Variants in ANO5 observed in about 807,000 individuals in gnomAD.
ANO5 encodes anoctamin 5, also known as anoctamin-5.
Under a neutral mutation model 121.0 loss-of-function variants are expected in ANO5, and 109 were observed. That is an observed-to-expected ratio of 0.90 (90% CI 0.77 to 1.06). The LOEUF is 1.06. Among genes scored for constraint, ANO5 ranks in the 50% least tolerant of loss-of-function variants. ANO5 has a pLI of 0.00. For missense variants in ANO5, 1,064 were observed against 1,078.5 expected (o/e 0.99, Z 0.19); for synonymous variants, 406 against 359.9 (o/e 1.13, Z -1.45).
chr11:22,282,657 A>C lies in ANO5; in HGVS notation c.*2892A>C, dbSNP rs1855123638. Reference sequence around the variant, plus strand: ...GTATATCTCTTAAAAAAGACACCTAATGAAAGTGAGAGAAAAGCTAAAGAA... The same window carrying C: ...GTATATCTCTTAAAAAAGACACCTACTGAAAGTGAGAGAAAAGCTAAAGAA... On this transcript the variant is annotated 3_prime_UTR_variant, in exon 22 of 22. Coordinates refer to ENST00000324559, the MANE Select transcript of ANO5 (RefSeq NM_213599.3). 6.6e-6 allele frequency: 1 copy of C among 152,282 alleles called. No individual in the cohort carries two copies. Among genetic ancestry groups the C allele is most frequent in the South Asian group, 2.1e-4 (1 of 4,828 alleles). 9.4% of individuals were successfully genotyped at this position (152,282 alleles called of 1,614,324 possible).
intron 5 of ANO5, among the ~76,000 whole-genome samples, chr11:22,224,568 G>A (rs1219017565): frequency 6.6e-6 from 1 of 152,012 alleles, no homozygotes; most frequent in Non-Finnish European, 1.5e-5. Context: ...CCATACAAAA[G>A]ATCAAATCAA....
At position 22,280,039 on chromosome 11, in the gene ANO5, A is replaced by C; in HGVS notation, c.*274A>C. ...TTGAAAGTGCAGGTAGAATCAGAAT[A>C]CTGGGAAATTATGGAGTCTTGCAGT... On this transcript the variant is annotated 3_prime_UTR_variant, in exon 22 of 22. Coordinates refer to ENST00000324559, the MANE Select transcript of ANO5 (RefSeq NM_213599.3). 1 of 414,316 alleles carries C rather than the reference A, an allele frequency of 2.4e-6. No individual in the cohort carries two copies. The highest frequency in any genetic ancestry group is 4.3e-6 in the Non-Finnish European group (1 of 230,162). 25.7% of individuals were successfully genotyped at this position (414,316 alleles called of 1,614,324 possible).
intron 2 of ANO5, among the ~76,000 whole-genome samples, chr11:22,205,785 T>C (rs1418832555): frequency 1.3e-5 from 2 of 152,024 alleles, no homozygotes; most frequent in South Asian, 2.1e-4. Flanking sequence ...GCAGGACATA[T>C]CAATATGGAA....
intron 5 of ANO5, among the ~76,000 whole-genome samples, chr11:22,222,749 C>T (rs1203503666): frequency 2.6e-5 from 4 of 152,026 alleles, no homozygotes; most frequent in Admixed American, 2.6e-4. Context: ...TGCCAGCACA[C>T]ATGCAGAAAG....
intron 1 of ANO5, among the ~76,000 whole-genome samples, chr11:22,200,118 A>T (rs1851921683): frequency 6.6e-6 from 1 of 152,150 alleles, no homozygotes; most frequent in South Asian, 2.1e-4. Flanking sequence ...TAATGCTAAC[A>T]TCATCACTGA....
At chr11:22,228,405 G>A (rs12287796) in intron 7 of ANO5, among the ~76,000 whole-genome samples, 1 of 151,960 alleles carries the variant, frequency 6.6e-6, no homozygotes, top group Non-Finnish European at 1.5e-5. Context: ...GTGATAAAAT[G>A]TGATGTTTCA....
At position 22,274,642 on chromosome 11, in the gene ANO5, C is replaced by T. The variant is rs199932439; in HGVS notation, c.2309C>T (p.Thr770Ile). The T allele has an allele frequency of 2.5e-6, 4 of 1,613,418 alleles. No individual in the cohort carries two copies. The highest frequency in any genetic ancestry group is 3.4e-6 in the Non-Finnish European group (4 of 1,179,616). Residue 770 changes from threonine to isoleucine, a missense_variant, in exon 20 of 22, where the codon ACA (threonine) becomes ATA (isoleucine). Coordinates refer to ENST00000324559, the MANE Select transcript of ANO5 (RefSeq NM_213599.3). ...TACTATGCTTACTCAACAAATGCCACACAGCCTATGACAGGATATGTGAAT... is the reference window on the plus strand; with the variant it reads ...TACTATGCTTACTCAACAAATGCCATACAGCCTATGACAGGATATGTGAAT... ...VYYYAYSTNA[T>I]QPMTGYVNNS...
chr11:22,225,621 A>G (rs183693688), intron 5 of ANO5, among the ~76,000 whole-genome samples: 103 of 152,304 alleles, frequency 6.8e-4, no homozygotes, highest in Non-Finnish European at 8.7e-4. Flanking sequence ...CATTAAATGT[A>G]TAGTTTATTT....
intron 1 of ANO5, among the ~76,000 whole-genome samples, chr11:22,202,500 T>G (rs912521418): frequency 7.2e-5 from 11 of 152,166 alleles, no homozygotes; most frequent in Admixed American, 7.2e-4. Context: ...TTTTATTATT[T>G]TTTACTTATA....
intron 3 of ANO5, among the ~76,000 whole-genome samples, chr11:22,213,462 C>T (rs1852345837): frequency 6.6e-6 from 1 of 151,226 alleles, no homozygotes; most frequent in African/African-American, 2.4e-5. Context: ...TATGATTAGA[C>T]TTGGATTATA....
chr11:22,270,445 A>T lies in ANO5; in HGVS notation c.2029+3A>T, dbSNP rs1377799510. ...TTTCTATGAGTACTTAGAAACAGGT[A>T]ATTTTTAACCACTGTTTTGAAACAT... On this transcript the variant is annotated splice_donor_region_variant and intron_variant, in intron 18 of 21. Coordinates refer to ENST00000324559, the MANE Select transcript of ANO5 (RefSeq NM_213599.3). 2 of 1,614,038 alleles carry T rather than the reference A, an allele frequency of 1.2e-6. No individual in the cohort carries two copies. The highest frequency in any genetic ancestry group is 2.7e-5 in the African/African-American group (2 of 75,022).
At position 22,209,054 on chromosome 11, in the gene ANO5, T is replaced by C. The variant is rs1407566545; in HGVS notation, c.88-2210T>C. On this transcript the variant is annotated intron_variant, in intron 2 of 21. Coordinates refer to ENST00000324559, the MANE Select transcript of ANO5 (RefSeq NM_213599.3). ...TTATCCAGTAACAAATTTATAGATA[T>C]GATGAATGTTTTTAGGCTTTTACAA... Among the ~76,000 whole-genome samples the C allele has an allele frequency of 3.3e-5, 5 of 151,984 alleles. No individual in the cohort carries two copies. The East Asian group carries it at 7.7e-4, about 23-fold the overall frequency.
Position 22,250,746 on chromosome 11 carries a change from A to C in ANO5, c.1019A>C (p.Glu340Ala). Residue 340 changes from glutamate to alanine, a missense_variant, in exon 11 of 22, where the codon GAA (glutamate) becomes GCA (alanine). Glu to Ala is a moderately radical substitution (Grantham distance 107, BLOSUM62 -1). Transcript: ENST00000324559. Reference protein sequence around the residue: ...LSMEHNTSSTEICDPEIGGQM... With the variant: ...LSMEHNTSSTAICDPEIGGQM... Reference sequence around the variant, plus strand: ...CTTTGCTGTTCCTCTTGCAGCACTGAAATCTGTGACCCTGAGATTGGTGGT... The same window carrying C: ...CTTTGCTGTTCCTCTTGCAGCACTGCAATCTGTGACCCTGAGATTGGTGGT... 1 of 1,613,958 alleles carries C rather than the reference A, an allele frequency of 6.2e-7. No homozygotes were observed.
At chr11:22,243,453 T>C (rs1252183954) in intron 9 of ANO5, among the ~76,000 whole-genome samples, 1 of 152,102 alleles carries the variant, frequency 6.6e-6, no homozygotes, top group East Asian at 1.9e-4. Context: ...GAGAAGCCTT[T>C]CCTTTTTGAG....
chr11:22,239,583 G>A lies in ANO5; in HGVS notation c.777G>A (p.Lys259=), dbSNP rs1204320350. The A allele has an allele frequency of 6.2e-7, 1 of 1,611,786 alleles. No homozygotes were observed. The highest frequency in any genetic ancestry group is 8.5e-7 in the Non-Finnish European group (1 of 1,178,338). The part of the protein sequence containing the change: ...AYPLHDGQYW[K]PSEPPNPTNE... Reference sequence around the variant, plus strand: ...AATATCTGCAGGGCCAATATTGGAAGCCATCAGAACCTCCCAATCCTACCA... The same window carrying A: ...AATATCTGCAGGGCCAATATTGGAAACCATCAGAACCTCCCAATCCTACCA... Residue 259 remains lysine (K), a synonymous_variant, in exon 9 of 22, where the codon AAG becomes AAA. Coordinates refer to ENST00000324559, the MANE Select transcript of ANO5 (RefSeq NM_213599.3).
intron 5 of ANO5, among the ~76,000 whole-genome samples, chr11:22,223,539 G>T (rs1222957342): frequency 6.6e-6 from 1 of 151,984 alleles, no homozygotes; most frequent in Non-Finnish European, 1.5e-5. Context: ...AACACTGTTT[G>T]TAAAAACAGT....
intron 7 of ANO5, among the ~76,000 whole-genome samples, chr11:22,228,421 T>C (rs1307229105): frequency 2.6e-5 from 4 of 152,090 alleles, no homozygotes; most frequent in African/African-American, 9.7e-5. Context: ...TTTCAATACA[T>C]GTATACATTA....
At chr11:22,195,849 T>C (rs4581442) in intron 1 of ANO5, among the ~76,000 whole-genome samples, 86,009 of 152,084 alleles carry the variant, frequency 0.57, 26,176 homozygotes, top group Non-Finnish European at 0.7. Flanking sequence ...GAATACCGTA[T>C]ATTTGATGGC....
intron 14 of ANO5, among the ~76,000 whole-genome samples, chr11:22,258,668 G>A (rs1179582974): frequency 6.6e-6 from 1 of 152,116 alleles, no homozygotes; most frequent in Non-Finnish European, 1.5e-5. Context: ...ATACAATATT[G>A]ACATGTATTT....
Sources: allele counts gnomAD v4.1 joint callset (sites outside exome capture counted in the v4.1 genomes callset), GRCh38; gene constraint gnomAD v4.1.1; transcripts MANE v1.5; gene names NCBI Gene and HGNC (gene_info 2026-07-23, HGNC 2026-07-21).